Variants in PKD1 observed in about 807,000 individuals in gnomAD.
PKD1 encodes polycystin-1.
In PKD1, 81 loss-of-function variants were observed where a neutral mutation model predicts 361.7. The observed-to-expected ratio is 0.22, with a 90% CI of 0.19 to 0.27. The LOEUF is 0.27. Ranked by LOEUF, PKD1 falls within the 10% of genes least tolerant of loss-of-function variation. The pLI is 1.00. For missense variants in PKD1, 6,399 were observed against 6,118.3 expected (o/e 1.05, Z -1.53); for synonymous variants, 3,615 against 2,818.3 (o/e 1.28, Z -8.95).
chr16:2,115,800 C>T (rs1310545462), intron 9 of PKD1, among the ~76,000 whole-genome samples, 175 bp from the exon 10 acceptor site: 1 of 152,176 alleles, frequency 6.6e-6, no homozygotes, highest in Non-Finnish European at 1.5e-5. Context: ...CCCAGGCCGG[C>T]CCCCAGGCAG....
In PKD1 at chr16:2,109,539, T is replaced by C. The variant is rs148161933; in HGVS notation, c.5628A>G (p.Ser1876=). The C allele has an allele frequency of 2.7e-5, 43 of 1,611,374 alleles. No individual in the cohort carries two copies. The African/African-American group carries it at 5.2e-4, about 19-fold the overall frequency. ...CCTCCGCCGTGAGGTTGTACGTGGC[T>C]GAGACCCAGCTGACTGCGTTGGAGG... ...LNASNAVSWV[S]ATYNLTAEEP... Residue 1876 remains serine, a synonymous_variant, in exon 15 of 46, where the codon TCA becomes TCG. Transcript: ENST00000262304.
rs2092447831 is a variant in PKD1, at chr16:2,109,547, A to G, written c.5620T>C (p.Trp1874Arg). ...GTGAGGTTGTACGTGGCTGAGACCC[A>G]GCTGACTGCGTTGGAGGCATTGAGC... ...IRLNASNAVS[W>R]VSATYNLTAE... The change falls in exon 15 of 46, where the codon TGG becomes CGG. Residue 1874 changes from tryptophan to arginine, a missense_variant. Transcript: ENST00000262304. 1 of 1,611,494 alleles carries G rather than the reference A, an allele frequency of 6.2e-7. No individual in the cohort carries two copies. The highest frequency in any genetic ancestry group is 1.7e-4 in the Middle Eastern group (1 of 5,738).
At chr16:2,123,002 C>G (rs1229513710) in intron 1 of PKD1, among the ~76,000 whole-genome samples, 1 of 152,210 alleles carries the variant, frequency 6.6e-6, no homozygotes, top group East Asian at 1.9e-4. Flanking sequence ...GTGGCTGCTG[C>G]TGGGAGCTGA....
In PKD1 at chr16:2,103,345, G is replaced by A. The variant is rs757969966; in HGVS notation, c.8712C>T (p.Ser2904=). The change falls in exon 23 of 46, where the codon TCC becomes TCT. Residue 2904 remains serine (S), a synonymous_variant. Coordinates refer to ENST00000262304, the MANE Select transcript of PKD1 (RefSeq NM_001009944.3). ...TGTCCAGGGTGACCACAGCACCGAC[G>A]GAGGCCTGGGGCTGGACCACAACGG... ...ANSVVVQPQA[S]VGAVVTLDSS... 207 of 1,605,436 alleles carry A rather than the reference G, an allele frequency of 1.3e-4. No individual in the cohort carries two copies. The highest frequency in any genetic ancestry group is 4.5e-4 in the Middle Eastern group (2 of 4,430).
rs771587495 is a variant in PKD1, at chr16:2,108,551, G to C, written c.6616C>G (p.Leu2206Val). The C allele has an allele frequency of 6.2e-7, 1 of 1,602,740 alleles. No individual in the cohort carries two copies. The highest frequency in any genetic ancestry group is 2.2e-5 in the East Asian group (1 of 44,540). The change falls in exon 15 of 46, where the codon CTG becomes GTG. Residue 2206 changes from leucine (L) to valine (V), a missense_variant. Coordinates refer to ENST00000262304, the MANE Select transcript of PKD1 (RefSeq NM_001009944.3). Reference protein sequence around the residue: ...QRPGRPARVALPGVDVSRPRL... With the variant: ...QRPGRPARVAVPGVDVSRPRL... ...GGCCGGCTCACGTCCACGCCGGGCA[G>C]GGCCACACGCGCTGGGCGCCCCGGC...
intron 1 of PKD1, among the ~76,000 whole-genome samples, chr16:2,132,312 G>A (rs1261764056): frequency 1.3e-5 from 2 of 151,512 alleles, no homozygotes; most frequent in Non-Finnish European, 2.9e-5. Context: ...GCTCACGCCT[G>A]TAATCCCAGC....
rs1357462073 is a variant in PKD1, at chr16:2,105,613, T to C, written c.7864-139A>G. 14 of 1,571,178 alleles carry C rather than the reference T, an allele frequency of 8.9e-6. No individual in the cohort carries two copies. The South Asian group carries it at 1.4e-4, about 15-fold the overall frequency. ...GGCACTGACCCACAACACTGAGCTGTTTCTTCATGGGCAAAACAGGGTAAG... is the reference window on the plus strand; with the variant it reads ...GGCACTGACCCACAACACTGAGCTGCTTCTTCATGGGCAAAACAGGGTAAG... On this transcript the variant is annotated intron_variant, in intron 20 of 45. Coordinates refer to ENST00000262304, the MANE Select transcript of PKD1 (RefSeq NM_001009944.3).
At chr16:2,119,968 C>A in intron 1 of PKD1, 1 of 602,754 alleles carries the variant, frequency 1.7e-6, no homozygotes, top group East Asian at 2.7e-5. Flanking sequence ...AACACAGCAC[C>A]GTGGGAGCTG....
At chr16:2,123,962 G>A (rs1279114321) in intron 1 of PKD1, among the ~76,000 whole-genome samples, 2 of 152,194 alleles carry the variant, frequency 1.3e-5, no homozygotes, top group Non-Finnish European at 2.9e-5. Context: ...GGTCCCCAGC[G>A]CCGAGCGTCC....
intron 34 of PKD1, among the ~76,000 whole-genome samples, chr16:2,095,980 G>A (rs545761415): frequency 6.6e-6 from 1 of 152,194 alleles, no homozygotes; most frequent in African/African-American, 2.4e-5. Context: ...TCTGCCTTTT[G>A]TAAATCAGGA....
At chr16:2,102,019 G>C (rs1234343389) in intron 26 of PKD1, 42 bp downstream of exon 26, 23 of 1,291,098 alleles carry the variant, frequency 1.8e-5, no homozygotes, top group Non-Finnish European at 2.4e-5. Context: ...AGCACAGCCA[G>C]TGAGAGCAGG....
At chr16:2,132,444 T>C (rs1270287259) in intron 1 of PKD1, among the ~76,000 whole-genome samples, 2 of 147,954 alleles carry the variant, frequency 1.4e-5, no homozygotes, top group Admixed American at 1.4e-4. Flanking sequence ...GGTGCATGCC[T>C]GTAAACCCAG....
chr16:2,094,331 A>G (rs1174906948), intron 34 of PKD1, 121 bp from the exon 35 acceptor site: 1 of 718,848 alleles, frequency 1.4e-6, no homozygotes. Context: ...CCCCCGACAA[A>G]AAGCCGGAAG....
chr16:2,093,783 T>C (rs2091720081), intron 36 of PKD1, 28 bp downstream of exon 36: 1 of 1,557,022 alleles, frequency 6.4e-7, no homozygotes, highest in African/African-American at 1.4e-5. Flanking sequence ...GATGGAGGCC[T>C]GTAGCCTACC....
rs536743722 is a variant in PKD1, at chr16:2,111,274, C to T, written c.3893G>A (p.Arg1298His). Residue 1298 changes from arginine (R) to histidine (H), a missense_variant, in exon 15 of 46, where the codon CGC (arginine) becomes CAC (histidine). Physicochemically the swap from Arg to His is conservative, Grantham distance 29. Transcript: ENST00000262304. ...GGGGATGCAGGCGGCGGGTTCAACG[C>T]GCAGCACCTCCAGGACGAAGACCAG... The part of the protein sequence containing the change: ...HVLVFVLEVL[R>H]VEPAACIPTQ... 1.1e-5 allele frequency: 18 copies of T among 1,609,674 alleles called. No homozygotes were observed. The East Asian group carries it at 1.8e-4, about 16-fold the overall frequency.
At chr16:2,096,784 TG>T in intron 34 of PKD1, 1 of 281,236 alleles carries the variant, frequency 3.6e-6, no homozygotes, top group East Asian at 9.0e-5. Flanking sequence ...CCCAAAGTGC[TG>T]GGATTACACG....
intron 1 of PKD1, among the ~76,000 whole-genome samples, chr16:2,127,138 C>T (rs1335835350): frequency 2.0e-4 from 31 of 152,218 alleles, no homozygotes. Flanking sequence ...CGGTGCCCAC[C>T]AGCGACAGCG....
intron 34 of PKD1, chr16:2,096,780 G>A (rs906187038): frequency 3.6e-6 from 1 of 275,792 alleles, no homozygotes; most frequent in South Asian, 4.5e-5. Flanking sequence ...GCCTCCCAAA[G>A]TGCTGGGATT....
At chr16:2,130,134 AACTACCGTTTCTC>A (rs2092852780) in intron 1 of PKD1, among the ~76,000 whole-genome samples, 1 of 151,924 alleles carries the variant, frequency 6.6e-6, no homozygotes. Flanking sequence ...CTAATAAAGA[AACTACCGTTTCTC>A]ACGCAGGCAC....
Sources: gnomAD v4.1 joint callset for allele counts (sites outside exome capture counted in the v4.1 genomes callset) on GRCh38, gnomAD v4.1.1 for gene constraint, MANE v1.5 for transcripts, NCBI Gene and HGNC (gene_info 2026-07-23, HGNC 2026-07-21) for gene names.